SHISA9: variants seen among roughly 807,000 people sequenced by gnomAD.
SHISA9 encodes the protein shisa family member 9.
Under a neutral mutation model 38.0 loss-of-function variants are expected in SHISA9, and 13 were observed. The observed-to-expected ratio is 0.34, with a 90% CI of 0.22 to 0.54. The LOEUF (loss-of-function observed/expected upper bound fraction) is 0.54, where lower values mean the gene tolerates loss of function less well. Ranked by LOEUF, SHISA9 falls within the 20% of genes least tolerant of loss-of-function variation. SHISA9 has a pLI of 0.91. For synonymous variants in SHISA9, 275 were observed against 242.0 expected (o/e 1.14, Z -1.27); for missense variants, 538 against 575.8 (o/e 0.93, Z 0.67).
rs891576078 is a variant in SHISA9, at chr16:13,203,461, G to A, written c.759G>A (p.Ser253=). 18 of 1,550,860 alleles carry A rather than the reference G, an allele frequency of 1.2e-5. No individual in the cohort carries two copies. Among genetic ancestry groups the A allele is most frequent in the Non-Finnish European group, 1.4e-5 (16 of 1,146,624 alleles). Reference sequence around the variant, plus strand: ...TCCAGCAGATGGGCCATCCACATTCGTACCCGAACCTGGGCCAGATCTCCA... The same window carrying A: ...TCCAGCAGATGGGCCATCCACATTCATACCCGAACCTGGGCCAGATCTCCA... ...PLLQQMGHPH[S]YPNLGQISNP... Residue 253 remains serine, a synonymous_variant, in exon 3 of 5, where the codon TCG becomes TCA. Coordinates refer to ENST00000558583, the MANE Select transcript of SHISA9 (RefSeq NM_001145204.3).
At chr16:13,453,075 A>G in the SHISA9 span, among the ~76,000 whole-genome samples, 3 of 151,518 alleles carry the variant, frequency 2.0e-5, no homozygotes, top group African/African-American at 7.3e-5. Flanking sequence ...TACCTGGCTA[A>G]TTTTTGTATT....
the SHISA9 span, among the ~76,000 whole-genome samples, chr16:13,432,526 T>C: frequency 6.6e-6 from 1 of 152,168 alleles, no homozygotes; most frequent in South Asian, 2.1e-4. Flanking sequence ...AAAATAGTTA[T>C]CCACAAAAAT....
At chr16:13,434,380 C>G in the SHISA9 span, among the ~76,000 whole-genome samples, 2 of 150,636 alleles carry the variant, frequency 1.3e-5, no homozygotes, top group Non-Finnish European at 3.0e-5. Context: ...ATCAAATTGG[C>G]GCTCAATATT....
chr16:13,383,948 C>T, the SHISA9 span, among the ~76,000 whole-genome samples: 180 of 152,224 alleles, frequency 1.2e-3, 2 homozygotes, highest in African/African-American at 4.0e-3. Context: ...AGCCACCGTG[C>T]CCGGCCAACA....
chr16:13,301,365 A>G, the SHISA9 span, among the ~76,000 whole-genome samples: 1 of 152,202 alleles, frequency 6.6e-6, no homozygotes, highest in Non-Finnish European at 1.5e-5. Context: ...TGTGTCTTGA[A>G]TGAGGCACGA....
At chr16:13,541,300 G>A in the SHISA9 span, among the ~76,000 whole-genome samples, 1 of 152,138 alleles carries the variant, frequency 6.6e-6, no homozygotes, top group Admixed American at 6.6e-5. Context: ...ACAGAGTAAT[G>A]TAGTACATGA....
chr16:13,393,748 G>C, the SHISA9 span, among the ~76,000 whole-genome samples: 2 of 152,296 alleles, frequency 1.3e-5, no homozygotes, highest in East Asian at 1.9e-4. Context: ...AGTCTGGAGG[G>C]AGTGATACAC....
chr16:13,437,870 T>C, the SHISA9 span, among the ~76,000 whole-genome samples: 2 of 78,774 alleles, frequency 2.5e-5, no homozygotes, highest in Admixed American at 3.8e-4. Context: ...TTTTCTTTTT[T>C]TTTTTTTTTT....
the SHISA9 span, among the ~76,000 whole-genome samples, chr16:13,466,440 C>T: frequency 6.6e-6 from 1 of 152,152 alleles, no homozygotes; most frequent in Admixed American, 6.5e-5. Flanking sequence ...CATCTCAATC[C>T]AGGTAGGACT....
chr16:13,037,142 A>G (rs2073083460), intron 2 of SHISA9, among the ~76,000 whole-genome samples: 1 of 148,088 alleles, frequency 6.8e-6, no homozygotes, highest in South Asian at 2.2e-4. Context: ...ACACACACAC[A>G]CACACACACA....
At chr16:13,484,196 T>C in the SHISA9 span, among the ~76,000 whole-genome samples, 1 of 152,190 alleles carries the variant, frequency 6.6e-6, no homozygotes, top group Admixed American at 6.5e-5. Context: ...ACAGAAGCCT[T>C]CCATGTTGAT....
intron 2 of SHISA9, among the ~76,000 whole-genome samples, chr16:13,053,441 T>A (rs2073275420): frequency 6.6e-6 from 1 of 152,212 alleles, no homozygotes; most frequent in Non-Finnish European, 1.5e-5. Context: ...CCTGCAACCA[T>A]GTTAACCCCT....
At chr16:13,242,110 T>A (rs2051439749), downstream of SHISA9, among the ~76,000 whole-genome samples, 1 of 152,262 alleles carries the variant, frequency 6.6e-6, no homozygotes, top group African/African-American at 2.4e-5. Context: ...AGGTGGGTAC[T>A]ATTATGCTTT....
chr16:13,328,629 C>T, the SHISA9 span, among the ~76,000 whole-genome samples: 6 of 100,788 alleles, frequency 6.0e-5, no homozygotes, highest in Non-Finnish European at 1.4e-4. Flanking sequence ...CACACACACA[C>T]ACACACATAT....
At chr16:12,986,291 C>CTCTT (rs1246252248) in intron 2 of SHISA9, among the ~76,000 whole-genome samples, 2 of 151,900 alleles carry the variant, frequency 1.3e-5, no homozygotes. Context: ...CTTTCTTTTC[C>CTCTT]TCTTTCCTTC....
chr16:12,925,843 T>C (rs1304498484), intron 2 of SHISA9, among the ~76,000 whole-genome samples: 2 of 152,132 alleles, frequency 1.3e-5, no homozygotes, highest in Admixed American at 6.5e-5. Flanking sequence ...AATAAAACAA[T>C]TGCTTTTTTT....
the SHISA9 span, among the ~76,000 whole-genome samples, chr16:13,517,307 T>C: frequency 2.0e-5 from 3 of 152,210 alleles, no homozygotes; most frequent in African/African-American, 7.2e-5. Context: ...GATACCTTGA[T>C]TTCAGACTTC....
intron 2 of SHISA9, among the ~76,000 whole-genome samples, chr16:12,953,208 TCAA>T (rs71393724): frequency 0.2 from 30,211 of 148,498 alleles, 3,688 homozygotes; most frequent in Middle Eastern, 0.32. Context: ...AAAAAACCCC[TCAA>T]CAACAACAAC....
At chr16:13,204,981 G>C (rs1327473531) in intron 3 of SHISA9, 1 of 152,166 alleles carries the variant, frequency 6.6e-6, no homozygotes, top group African/African-American at 2.4e-5. Context: ...GCTCATAAAA[G>C]GGTTCTATTG....
Sources: gnomAD v4.1 joint callset for allele counts (sites outside exome capture counted in the v4.1 genomes callset) on GRCh38, gnomAD v4.1.1 for gene constraint, MANE v1.5 for transcripts, NCBI Gene and HGNC (gene_info 2026-07-23, HGNC 2026-07-21) for gene names.